STAM2: variants seen among roughly 807,000 people sequenced by gnomAD.
The protein encoded by STAM2 is signal transducing adaptor molecule 2.
Under a neutral mutation model 65.6 loss-of-function variants are expected in STAM2, and 51 were observed. The observed-to-expected ratio is 0.78, with a 90% CI of 0.62 to 0.98. STAM2 has a LOEUF of 0.98. STAM2 is among the 50% of genes least tolerant of loss of function. STAM2 has a pLI of 0.00. For synonymous variants in STAM2, 198 were observed against 208.4 expected (o/e 0.95, Z 0.43); for missense variants, 584 against 617.8 (o/e 0.95, Z 0.58).
Position 152,120,717 on chromosome 2 carries a change from G to A in STAM2, c.1435C>T (p.Gln479Ter). ...QSATGTTAYT[Q>*]QMGMSVDMSS... The stretch of plus-strand genomic sequence containing the variant: ...ATATCCACAGACATCCCCATTTGCT[G>A]TGTGTAAGCAGTTGTACCAGTAGCT... The change falls in exon 14 of 14, where the codon CAG becomes TAG. Residue 479 changes from glutamine to a stop codon, truncating the protein, a stop_gained. Coordinates refer to ENST00000263904, the MANE Select transcript of STAM2 (RefSeq NM_005843.6). LOFTEE classifies it high-confidence loss of function. 1 of 1,614,154 alleles carries A rather than the reference G, an allele frequency of 6.2e-7. No individual in the cohort carries two copies. Among genetic ancestry groups the A allele is most frequent in the Non-Finnish European group, 8.5e-7 (1 of 1,180,028 alleles).
chr2:152,128,136 G>A (rs1287277722), intron 11 of STAM2, among the ~76,000 whole-genome samples: 8 of 152,148 alleles, frequency 5.3e-5, no homozygotes, highest in East Asian at 1.9e-4. Flanking sequence ...GGCCGGGCGC[G>A]GTGGCTTATG....
chr2:152,169,930 C>T (rs1689869395), intron 1 of STAM2, among the ~76,000 whole-genome samples: 1 of 151,786 alleles, frequency 6.6e-6, no homozygotes, highest in Admixed American at 6.6e-5. Flanking sequence ...CTCCGCCTCC[C>T]AGGTTCAAGT....
intron 5 of STAM2, 61 bp downstream of exon 5, chr2:152,147,101 C>A: frequency 6.9e-7 from 1 of 1,456,578 alleles, no homozygotes; most frequent in Non-Finnish European, 9.1e-7. Flanking sequence ...CTAGTCTTTA[C>A]ATAACATACA....
intron 7 of STAM2, among the ~76,000 whole-genome samples, chr2:152,137,388 G>A (rs985037776): frequency 6.6e-6 from 1 of 152,140 alleles, no homozygotes; most frequent in African/African-American, 2.4e-5. Flanking sequence ...ATCTACTTGT[G>A]CTTGCTAGCT....
Position 152,151,609 on chromosome 2 carries a change from T to C in STAM2, c.41-1380A>G, listed in dbSNP as rs115381422. On this transcript the variant is annotated intron_variant, in intron 1 of 13. Transcript: ENST00000263904. ...TTGTACAACTAACACCAGTATCTAA[T>C]TTGAGAACATTTAATCACTTCCAAA... Among the ~76,000 whole-genome samples the C allele has an allele frequency of 2.5e-3, 381 of 152,372 alleles. 2 individuals carry two copies. The highest frequency in any genetic ancestry group is 8.8e-3 in the African/African-American group (364 of 41,590).
chr2:152,139,850 A>T (rs113437589), intron 7 of STAM2, among the ~76,000 whole-genome samples: 23 of 152,202 alleles, frequency 1.5e-4, no homozygotes, highest in African/African-American at 5.1e-4. Flanking sequence ...AACAACAAAA[A>T]AAATTTTTAA....
chr2:152,139,743 C>T (rs778196044), intron 7 of STAM2, among the ~76,000 whole-genome samples: 3 of 152,126 alleles, frequency 2.0e-5, no homozygotes, highest in African/African-American at 4.8e-5. Flanking sequence ...CGTAAAGAAG[C>T]GCAGTTTGCC....
intron 1 of STAM2, among the ~76,000 whole-genome samples, chr2:152,159,667 T>C (rs996603023): frequency 1.3e-5 from 2 of 152,080 alleles, no homozygotes; most frequent in Non-Finnish European, 2.9e-5. Context: ...TGGAAAAGTA[T>C]GGTTATTGAA....
At chr2:152,150,879 T>C (rs1293367197) in intron 1 of STAM2, among the ~76,000 whole-genome samples, 2 of 152,072 alleles carry the variant, frequency 1.3e-5, no homozygotes, top group African/African-American at 4.8e-5. Context: ...GTTTTGTAAA[T>C]TTTTTTAATA....
Position 152,147,188 on chromosome 2 carries a change from TTCCTTCTTC to T in STAM2, c.412_420del (p.Glu138_Gly140del). ...TGAGAACCTGCTGGAGGAAAAGTAA[TTCCTTCTTC>T]TTTCATAGATTTAATAGTTGCAGAT... On this transcript the variant is annotated inframe_deletion, in exon 5 of 14. Transcript: ENST00000263904. 4 of 1,608,550 alleles carry T rather than the reference TTCCTTCTTC, an allele frequency of 2.5e-6. No homozygotes were observed. Among genetic ancestry groups the T allele is most frequent in the Non-Finnish European group, 3.4e-6 (4 of 1,178,386 alleles).
In STAM2 at chr2:152,147,233, A is replaced by ACTGAGGGTC. The variant is rs1689351829; in HGVS notation, c.367_375dup (p.Asp123_Gln125dup). 6.2e-7 allele frequency: 1 copy of ACTGAGGGTC among 1,612,456 alleles called. No homozygotes were observed. Among genetic ancestry groups the ACTGAGGGTC allele is most frequent in the Non-Finnish European group, 8.5e-7 (1 of 1,179,374 alleles). ...TTAATAGTTGCAGATATCAGACTAA[A>ACTGAGGGTC]CTGAGGGTCCTTCTGAAATTCTTCT... On this transcript the variant is annotated inframe_insertion, in exon 5 of 14. Transcript: ENST00000263904.
At chr2:152,135,637 CCCA>C (rs1324230701) in intron 7 of STAM2, 34 bp from the exon 8 acceptor site, 1 of 1,388,954 alleles carries the variant, frequency 7.2e-7, no homozygotes, top group Non-Finnish European at 1.0e-6. Flanking sequence ...TCATTTGTTC[CCCA>C]CATTTTAATA....
chr2:152,129,515 AAGATT>A (rs1689020112), intron 11 of STAM2, among the ~76,000 whole-genome samples: 2 of 152,212 alleles, frequency 1.3e-5, no homozygotes, highest in Admixed American at 1.3e-4. Flanking sequence ...AACCAAAAAT[AAGATT>A]AAATTGTCAT....
chr2:152,127,702 G>A (rs527318701), intron 11 of STAM2, among the ~76,000 whole-genome samples: 2 of 151,914 alleles, frequency 1.3e-5, no homozygotes, highest in Non-Finnish European at 2.9e-5. Context: ...GGTTGATTTT[G>A]AGAAAGTAAA....
intron 7 of STAM2, among the ~76,000 whole-genome samples, chr2:152,141,896 T>C (rs1689255919): frequency 6.6e-6 from 1 of 152,174 alleles, no homozygotes; most frequent in Non-Finnish European, 1.5e-5. Flanking sequence ...GCCAGCTCCA[T>C]GGTTCTTAAA....
At chr2:152,133,072 C>T (rs775933122) in intron 10 of STAM2, 101 bp downstream of exon 10, 2 of 475,198 alleles carry the variant, frequency 4.2e-6, no homozygotes, top group Non-Finnish European at 6.4e-6. Context: ...CCGGAGATTT[C>T]TAACCTCTAG....
At chr2:152,157,910 G>A (rs1689581628) in intron 1 of STAM2, among the ~76,000 whole-genome samples, 1 of 152,042 alleles carries the variant, frequency 6.6e-6, no homozygotes, top group Non-Finnish European at 1.5e-5. Flanking sequence ...ACCATTTAAA[G>A]GAAGACAATG....
intron 7 of STAM2, among the ~76,000 whole-genome samples, chr2:152,138,498 A>T (rs1446870220): frequency 6.6e-6 from 1 of 152,154 alleles, no homozygotes; most frequent in Non-Finnish European, 1.5e-5. Context: ...CGGACTCTTG[A>T]ACTTTCTATA....
At chr2:152,135,398 A>C in intron 8 of STAM2, 111 bp downstream of exon 8, 1 of 761,934 alleles carries the variant, frequency 1.3e-6, no homozygotes, top group South Asian at 1.6e-5. Flanking sequence ...CTATAAAGAA[A>C]TGATTTAAAA....
Sources: allele counts gnomAD v4.1 joint callset (sites outside exome capture counted in the v4.1 genomes callset), GRCh38; gene constraint gnomAD v4.1.1; transcripts MANE v1.5; gene names NCBI Gene and HGNC (gene_info 2026-07-23, HGNC 2026-07-21).